DNAH5: variants seen among roughly 807,000 people sequenced by gnomAD.
DNAH5 encodes the protein axonemal beta dynein heavy chain 5.
DNAH5 carries 372 observed loss-of-function variants against 518.2 expected under a neutral mutation model. The ratio of observed to expected loss-of-function variants is 0.72; its 90% CI spans 0.66 to 0.78. DNAH5 has a LOEUF of 0.78. DNAH5 is among the 30% of genes least tolerant of loss of function. The pLI is 0.00. For synonymous variants in DNAH5, 2,039 were observed against 2,025.9 expected, an observed-to-expected ratio of 1.01 and a Z score of -0.17; for missense variants, 5,523 against 5,687.0, an observed-to-expected ratio of 0.97 and a Z score of 0.93.
chr5:13,936,053 A>T (rs1312993767), intron 1 of DNAH5, among the ~76,000 whole-genome samples: 4 of 152,178 alleles, frequency 2.6e-5, no homozygotes, highest in Non-Finnish European at 4.4e-5. Context: ...AGAATGGGAG[A>T]GTGGCTAATG....
chr5:13,807,930 TAAG>T (rs1295608205), intron 46 of DNAH5, among the ~76,000 whole-genome samples: 1 of 152,032 alleles, frequency 6.6e-6, no homozygotes, highest in Non-Finnish European at 1.5e-5. Context: ...CGTGTCCTTA[TAAG>T]AAGAAGAAAT....
rs1051650132 is a variant in DNAH5, at chr5:13,809,297, A to T, written c.7610-111T>A. The T allele has an allele frequency of 5.4e-6, 7 of 1,296,716 alleles. No homozygotes were observed. The African/African-American group carries it at 8.7e-5, about 16-fold the overall frequency. The allele number at this position is 1,296,716 out of a possible 1,614,324, so 80.3% of individuals were successfully genotyped here. A position where few individuals can be genotyped will look rare whatever the true frequency, so the allele number is the denominator to read the frequency against. On this transcript the variant is annotated intron_variant, in intron 45 of 78. Coordinates refer to ENST00000265104, the MANE Select transcript of DNAH5 (RefSeq NM_001369.3). ...GGTCACCTTCCAAATTCTCCCCATAAAATGAAGATCATTAAAATTAGAGAT... is the reference window on the plus strand; with the variant it reads ...GGTCACCTTCCAAATTCTCCCCATATAATGAAGATCATTAAAATTAGAGAT...
chr5:13,709,770 C>T (rs1434463893), intron 75 of DNAH5, among the ~76,000 whole-genome samples: 3 of 152,206 alleles, frequency 2.0e-5, no homozygotes, highest in Non-Finnish European at 4.4e-5. Flanking sequence ...CTCCTGAACA[C>T]ACACCCCCAC....
intron 78 of DNAH5, among the ~76,000 whole-genome samples, chr5:13,699,875 G>A (rs1401187954): frequency 1.3e-5 from 2 of 152,098 alleles, no homozygotes; most frequent in African/African-American, 2.4e-5. Flanking sequence ...GAATTCCCTC[G>A]TGTGCTGAAA....
At chr5:13,844,703 T>A in intron 32 of DNAH5, 134 bp downstream of exon 32, 2 of 1,144,588 alleles carry the variant, frequency 1.7e-6, no homozygotes, top group Non-Finnish European at 2.6e-6. Flanking sequence ...CCGAGATTTG[T>A]TTTTAGTCAC....
rs1756018562 is a variant in DNAH5 at position 13,786,412 on chromosome 5, A to G, written c.8648-61T>C. The G allele has an allele frequency of 6.9e-6, 10 of 1,452,800 alleles. No homozygotes were observed. The South Asian group carries it at 1.1e-4, about 17-fold the overall frequency. 90.0% of individuals were successfully genotyped at this position (1,452,800 alleles called of 1,614,324 possible). Reference sequence around the variant, plus strand: ...AAATACCTGCATTTTACTTCAATCTAAATTAATACACTCAAAGCTCTACAA... The same window carrying G: ...AAATACCTGCATTTTACTTCAATCTGAATTAATACACTCAAAGCTCTACAA... On this transcript the variant is annotated intron_variant, in intron 51 of 78. Coordinates refer to ENST00000265104, the MANE Select transcript of DNAH5 (RefSeq NM_001369.3).
intron 29 of DNAH5, 93 bp downstream of exon 29, chr5:13,862,455 T>C (rs1415930334): frequency 1.2e-5 from 14 of 1,209,482 alleles, no homozygotes; most frequent in African/African-American, 3.0e-5. Flanking sequence ...GTAAACTATA[T>C]GAAGGCTATT....
At chr5:13,837,980 G>T (rs745933393) in intron 35 of DNAH5, among the ~76,000 whole-genome samples, 1 of 152,036 alleles carries the variant, frequency 6.6e-6, no homozygotes, top group Non-Finnish European at 1.5e-5. Context: ...GATTACAAGC[G>T]TGAGCGAGCC....
chr5:13,704,327 G>C (rs1451421102), intron 76 of DNAH5, among the ~76,000 whole-genome samples: 2 of 151,000 alleles, frequency 1.3e-5, no homozygotes, highest in Non-Finnish European at 2.9e-5. Flanking sequence ...ACACTCTCTT[G>C]TGCTCCTGCA....
chr5:13,737,998 G>C (rs1352591068), intron 65 of DNAH5, among the ~76,000 whole-genome samples: 1 of 151,830 alleles, frequency 6.6e-6, no homozygotes, highest in Non-Finnish European at 1.5e-5. Context: ...GGGAGGCAGA[G>C]GTTGCAGTGA....
intron 1 of DNAH5, among the ~76,000 whole-genome samples, chr5:14,001,345 G>C (rs1161271713): frequency 6.6e-6 from 1 of 152,092 alleles, no homozygotes; most frequent in Admixed American, 6.5e-5. Flanking sequence ...GAGATACTTA[G>C]TGATTTTTTG....
chr5:13,839,857 T>C (rs2151858166), intron 34 of DNAH5, among the ~76,000 whole-genome samples: 1 of 152,318 alleles, frequency 6.6e-6, no homozygotes, highest in Non-Finnish European at 1.5e-5. Context: ...CCATGAAATA[T>C]AATCTATGAA....
chr5:13,844,936 G>A lies in DNAH5; in HGVS notation c.5172C>T (p.Ala1724=), dbSNP rs10041113. 585,814 of 1,613,462 alleles carry A rather than the reference G, an allele frequency of 0.36. 108,559 individuals are homozygous for A. The highest frequency in any genetic ancestry group is 0.56 in the East Asian group (25,296 of 44,836). Residue 1724 remains alanine (A), a synonymous_variant, in exon 32 of 79, where the codon GCC becomes GCT. Coordinates refer to ENST00000265104, the MANE Select transcript of DNAH5 (RefSeq NM_001369.3). The part of the protein sequence containing the change: ...FPRFFFVSDP[A]LLEILGQASD... ...ACGCCTGCCCCAGAATCTCTAGAAG[G>A]GCAGGATCTGAGACGAAGAAAAACC...
intron 55 of DNAH5, among the ~76,000 whole-genome samples, chr5:13,771,678 C>T (rs989506606): frequency 6.6e-6 from 1 of 152,136 alleles, no homozygotes; most frequent in East Asian, 1.9e-4. Flanking sequence ...ACCACTGCGA[C>T]GGGTGCCATG....
intron 31 of DNAH5, among the ~76,000 whole-genome samples, chr5:13,845,506 T>C (rs1396693467): frequency 1.3e-5 from 2 of 152,000 alleles, no homozygotes; most frequent in East Asian, 3.9e-4. Flanking sequence ...TGTGACGAGC[T>C]CCATGGAAAA....
At chr5:13,807,250 A>C (rs1011577948) in intron 47 of DNAH5, among the ~76,000 whole-genome samples, 4 of 152,336 alleles carry the variant, frequency 2.6e-5, no homozygotes, top group East Asian at 1.9e-4. Flanking sequence ...TCAGGCAAGC[A>C]GACTCTAGGG....
chr5:13,903,402 GAT>G (rs1372896999), intron 12 of DNAH5, among the ~76,000 whole-genome samples: 2 of 151,882 alleles, frequency 1.3e-5, no homozygotes, highest in African/African-American at 4.8e-5. Flanking sequence ...AAGAACCTAA[GAT>G]ATTTAAAATG....
rs1177080410 is a variant in DNAH5 at position 13,829,478 on chromosome 5, C to A, written c.6444+32G>T. ...CTGCTGAATAGAAAAATGAAACATG[C>A]CTAAGTGCATAAGACCTCCAGGATG... On this transcript the variant is annotated intron_variant, in intron 38 of 78. Coordinates refer to ENST00000265104, the MANE Select transcript of DNAH5 (RefSeq NM_001369.3). 5 of 1,604,196 alleles carry A rather than the reference C, an allele frequency of 3.1e-6. No homozygotes were observed. The Admixed American group carries it at 6.7e-5, about 21-fold the overall frequency.
chr5:13,860,839 A>G (rs749642745), intron 29 of DNAH5, among the ~76,000 whole-genome samples: 1 of 152,180 alleles, frequency 6.6e-6, no homozygotes, highest in Non-Finnish European at 1.5e-5. Flanking sequence ...TTATCCCTTC[A>G]TGGTTCTCTC....
Sources: allele counts gnomAD v4.1 joint callset (sites outside exome capture counted in the v4.1 genomes callset), GRCh38; gene constraint gnomAD v4.1.1; transcripts MANE v1.5; gene names NCBI Gene and HGNC (gene_info 2026-07-23, HGNC 2026-07-21).